The following PRKG1 variants were observed in gnomAD, a reference collection of about 807,000 sequenced individuals.
PRKG1 encodes the protein protein kinase cGMP-dependent 1, also known as cGMP-dependent protein kinase 1.
In PRKG1, 35 loss-of-function variants were observed where a neutral mutation model predicts 88.1. That is an observed-to-expected ratio of 0.40 (90% confidence interval 0.30 to 0.53). The LOEUF (loss-of-function observed/expected upper bound fraction) is 0.53, where lower values mean the gene tolerates loss of function less well. PRKG1 is among the 20% of genes least tolerant of loss of function. The pLI, the probability that PRKG1 is intolerant of heterozygous loss-of-function variation, is 0.59. For synonymous variants in PRKG1, 303 were observed against 292.5 expected (o/e 1.04, Z -0.37); for missense variants, 540 against 839.8 (o/e 0.64, Z 4.41).
rs146122516 is a variant in PRKG1, at chr10:51,402,035, G to C, written c.479-65688G>C. On this transcript the variant is annotated intron_variant, in intron 2 of 17. Transcript: ENST00000373980. ...TTGTTTTGCACATGTGATTTTAAGA[G>C]GTCCACTCTTTTTCTAAACTATGAA... is the stretch of plus-strand genomic sequence containing the variant. 4.4e-3 allele frequency among the ~76,000 whole-genome samples: 667 copies of C among 152,138 alleles called. 5 individuals are homozygous for C. Among genetic ancestry groups the C allele is most frequent in the African/African-American group, 0.015 (624 of 41,508 alleles).
intron 3 of PRKG1, among the ~76,000 whole-genome samples, chr10:51,753,217 ATATT>A (rs1837771477): frequency 6.6e-6 from 1 of 152,082 alleles, no homozygotes; most frequent in Admixed American, 6.6e-5. Context: ...ATGGAAGAAA[ATATT>A]TAGGAAGAAA....
chr10:51,546,011 C>T (rs578054265), intron 3 of PRKG1, among the ~76,000 whole-genome samples: 11 of 151,424 alleles, frequency 7.3e-5, no homozygotes, highest in African/African-American at 2.7e-4. Flanking sequence ...CGCTTAGTAA[C>T]TCAGTGGTTA....
intron 3 of PRKG1, among the ~76,000 whole-genome samples, chr10:51,676,401 T>A (rs556888808): frequency 2.9e-4 from 44 of 150,392 alleles, no homozygotes; most frequent in African/African-American, 1.1e-3. Context: ...TTTATGAGCA[T>A]GTTAAGACCT....
At chr10:52,269,404 A>G (rs1841659777) in intron 10 of PRKG1, among the ~76,000 whole-genome samples, 1 of 152,082 alleles carries the variant, frequency 6.6e-6, no homozygotes, top group Non-Finnish European at 1.5e-5. Flanking sequence ...AGCATTTTCA[A>G]ATACCCATTT....
Position 51,698,973 on chromosome 10 carries a change from G to C in PRKG1, c.593-105612G>C, listed in dbSNP as rs547119353. On this transcript the variant is annotated intron_variant, in intron 3 of 17. Coordinates refer to ENST00000373980, the MANE Select transcript of PRKG1 (RefSeq NM_006258.4). ...ATCAGTGGTGTGACATGTATCTTCC[G>C]ATGCAGAATTTTCAGAGCAATCTCT... 1.9e-6 allele frequency: 3 copies of C among 1,614,222 alleles called. No individual in the cohort carries two copies. The East Asian group carries it at 6.7e-5, about 36-fold the overall frequency.
At chr10:52,002,873 A>AT (rs1028176776) in intron 5 of PRKG1, among the ~76,000 whole-genome samples, 7 of 151,912 alleles carry the variant, frequency 4.6e-5, no homozygotes, top group African/African-American at 1.4e-4. Flanking sequence ...CAATTAAAAT[A>AT]TTTTTTTTTC....
chr10:51,272,165 C>T (rs909198945), intron 2 of PRKG1, among the ~76,000 whole-genome samples: 2 of 152,144 alleles, frequency 1.3e-5, no homozygotes, highest in African/African-American at 4.8e-5. Flanking sequence ...TCTCTAATGA[C>T]CAGTGATGAT....
chr10:52,272,631 C>T (rs1841761231), intron 12 of PRKG1, 150 bp downstream of exon 12: 1 of 635,362 alleles, frequency 1.6e-6, no homozygotes, highest in Non-Finnish European at 2.7e-6. Flanking sequence ...AGGGCATAAC[C>T]CACTATACAC....
At chr10:52,210,846 G>C (rs1023140505) in intron 9 of PRKG1, among the ~76,000 whole-genome samples, 1 of 152,072 alleles carries the variant, frequency 6.6e-6, no homozygotes, top group Non-Finnish European at 1.5e-5. Flanking sequence ...TGCTTTCAAA[G>C]AATTCATAAC....
intron 3 of PRKG1, among the ~76,000 whole-genome samples, chr10:51,544,411 T>C (rs1300015145): frequency 6.6e-6 from 1 of 152,074 alleles, no homozygotes; most frequent in African/African-American, 2.4e-5. Flanking sequence ...CTGCATAGTA[T>C]TCCATGGTGT....
At chr10:51,943,969 C>A (rs1390706315) in intron 5 of PRKG1, among the ~76,000 whole-genome samples, 8 of 152,044 alleles carry the variant, frequency 5.3e-5, no homozygotes, top group East Asian at 1.9e-4. Context: ...CTGGCCTCAT[C>A]AAATGAGTTA....
intron 3 of PRKG1, among the ~76,000 whole-genome samples, chr10:51,744,952 G>A (rs565093215): frequency 1.7e-4 from 26 of 152,214 alleles, no homozygotes; most frequent in Admixed American, 7.2e-4. Context: ...TTTTTTCAAC[G>A]CCTGGTTGTT....
intron 2 of PRKG1, among the ~76,000 whole-genome samples, chr10:51,241,208 G>A (rs1386539528): frequency 6.6e-6 from 1 of 151,670 alleles, no homozygotes; most frequent in African/African-American, 2.4e-5. Context: ...GAATGATGTT[G>A]TTCATTCATA....
chr10:51,708,218 C>T (rs946770514), intron 3 of PRKG1, among the ~76,000 whole-genome samples: 4 of 152,138 alleles, frequency 2.6e-5, no homozygotes, highest in Non-Finnish European at 2.9e-5. Context: ...TCAGTGTCCT[C>T]GCGTCACCTG....
At chr10:51,074,024 T>G (rs1589133212), upstream of PRKG1, among the ~76,000 whole-genome samples, 1 of 152,090 alleles carries the variant, frequency 6.6e-6, no homozygotes, top group Non-Finnish European at 1.5e-5. Flanking sequence ...TCCAGGCTGG[T>G]CTGCTCTGGA....
At chr10:51,821,004 T>C (rs1156550451) in intron 4 of PRKG1, among the ~76,000 whole-genome samples, 1 of 152,156 alleles carries the variant, frequency 6.6e-6, no homozygotes, top group Non-Finnish European at 1.5e-5. Context: ...CCAAATCTCC[T>C]TGTAGTTAAT....
At chr10:51,551,178 C>T (rs1000486556) in intron 3 of PRKG1, among the ~76,000 whole-genome samples, 37 of 151,832 alleles carry the variant, frequency 2.4e-4, no homozygotes, top group Non-Finnish European at 4.1e-4. Context: ...ACATGCATTT[C>T]ACGTTGACAA....
At chr10:51,278,741 A>G (rs531735347) in intron 2 of PRKG1, among the ~76,000 whole-genome samples, 1 of 152,276 alleles carries the variant, frequency 6.6e-6, no homozygotes, top group Non-Finnish European at 1.5e-5. Flanking sequence ...TTATTTGCAT[A>G]GAGGTGTTTA....
At chr10:51,600,399 G>A (rs1277064251) in intron 3 of PRKG1, among the ~76,000 whole-genome samples, 2 of 152,122 alleles carry the variant, frequency 1.3e-5, no homozygotes, top group Non-Finnish European at 2.9e-5. Context: ...TGGAAGTTGG[G>A]ATACTTTTCT....
Sources: allele counts gnomAD v4.1 joint callset (sites outside exome capture counted in the v4.1 genomes callset), GRCh38; gene constraint gnomAD v4.1.1; transcripts MANE v1.5; gene names NCBI Gene and HGNC (gene_info 2026-07-23, HGNC 2026-07-21).